Variants in KCNG4 observed in about 807,000 individuals in gnomAD.
KCNG4 encodes potassium voltage-gated channel modifier subfamily G member 4.
A neutral mutation model predicts 28.2 loss-of-function variants in KCNG4; 30 were observed. The observed-to-expected ratio is 1.06, with a 90% CI of 0.80 to 1.44. The LOEUF (loss-of-function observed/expected upper bound fraction) is 1.44. Ranked by LOEUF, KCNG4 falls within the 40% of genes most tolerant of loss-of-function variation. The pLI, the probability that KCNG4 is intolerant of heterozygous loss-of-function variation, is 0.00. For missense variants in KCNG4, 879 were observed against 712.3 expected, an observed-to-expected ratio of 1.23 and a Z score of -2.66; for synonymous variants, 375 against 315.5, an observed-to-expected ratio of 1.19 and a Z score of -2.00.
intron 1 of KCNG4, among the ~76,000 whole-genome samples, chr16:84,238,976 A>G (rs972568347): frequency 6.6e-6 from 1 of 152,222 alleles, no homozygotes; most frequent in Non-Finnish European, 1.5e-5. Flanking sequence ...GCCACTTCAC[A>G]TATTTAAAAA....
In KCNG4 at chr16:84,222,606, C is replaced by G. The variant is rs762800555; in HGVS notation, c.1171G>C (p.Val391Leu). The G allele has an allele frequency of 5.0e-6, 8 of 1,613,202 alleles. No homozygotes were observed. In the South Asian group the frequency reaches 5.5e-5, roughly 11 times the overall value. ...AITLFSPLVYVAEKESGRVLE... is the reference protein window; with the variant it reads ...AITLFSPLVYLAEKESGRVLE... ...ACCCGCCCGGACTCCTTCTCGGCCA[C>G]GTAGACCAAAGGGGAGAAGAGGGTG... The change falls in exon 3 of 3, where the codon GTG (valine) becomes CTG (leucine). Residue 391 changes from valine to leucine, a missense_variant. Coordinates refer to ENST00000308251, the MANE Select transcript of KCNG4 (RefSeq NM_172347.3).
In KCNG4 at chr16:84,229,691, C is replaced by T. The variant is rs532719710; in HGVS notation, c.757-6671G>A. 4.6e-5 allele frequency among the ~76,000 whole-genome samples: 7 copies of T among 152,128 alleles called. No homozygotes were observed. In the East Asian group the frequency reaches 5.8e-4, roughly 13 times the overall value. ...TGGTGGCGTCTGCATGGGGCATTTG[C>T]GGGGGGCTGGAGTTGGACCTGCAGA... On this transcript the variant is annotated intron_variant, in intron 2 of 2. Transcript: ENST00000308251.
intron 1 of KCNG4, among the ~76,000 whole-genome samples, chr16:84,238,060 T>A (rs137918866): frequency 1.2e-3 from 185 of 152,278 alleles, no homozygotes; most frequent in African/African-American, 4.3e-3. Flanking sequence ...TCTGTATGAC[T>A]GGGGCAGTCT....
intron 2 of KCNG4, among the ~76,000 whole-genome samples, chr16:84,235,033 T>C (rs1012909161): frequency 6.6e-6 from 1 of 152,050 alleles, no homozygotes; most frequent in African/African-American, 2.4e-5. Flanking sequence ...GGCATAAATC[T>C]CTCTTGTCCC....
At chr16:84,232,618 G>A (rs1484026378) in intron 2 of KCNG4, among the ~76,000 whole-genome samples, 3 of 152,132 alleles carry the variant, frequency 2.0e-5, no homozygotes, top group Admixed American at 1.3e-4. Flanking sequence ...GAAGCAGGGG[G>A]CTGGGGTGCA....
chr16:84,222,951 C>T lies in KCNG4; in HGVS notation c.826G>A (p.Glu276Lys), dbSNP rs779545766. 8.9e-6 allele frequency: 14 copies of T among 1,577,246 alleles called. No individual in the cohort carries two copies. The highest frequency in any genetic ancestry group is 1.1e-5 in the Non-Finnish European group (13 of 1,160,406). Residue 276 changes from glutamate (E) to lysine (K), a missense_variant, in exon 3 of 3, where the codon GAG becomes AAG. By Grantham distance (56) the Glu-to-Lys change is moderately conservative (BLOSUM62 1). Transcript: ENST00000308251. Reference sequence around the variant, plus strand: ...GCCTGGACAAACCGCAGGCAGAACTCCAGGGAGAACCAGGCCACGCAGATG... The same window carrying T: ...GCCTGGACAAACCGCAGGCAGAACTTCAGGGAGAACCAGGCCACGCAGATG... The part of the protein sequence containing the change: ...ETICVAWFSL[E>K]FCLRFVQAQD...
At chr16:84,237,968 C>T (rs1905015818) in intron 1 of KCNG4, among the ~76,000 whole-genome samples, 1 of 152,154 alleles carries the variant, frequency 6.6e-6, no homozygotes, top group African/African-American at 2.4e-5. Context: ...AATGTAGGCT[C>T]TCAGGTTCAC....
chr16:84,238,599 G>A (rs776047673), intron 1 of KCNG4, among the ~76,000 whole-genome samples: 3 of 152,188 alleles, frequency 2.0e-5, no homozygotes, highest in South Asian at 2.1e-4. Flanking sequence ...GCCTCCAGCC[G>A]CAGTGGTTCA....
At position 84,236,890 on chromosome 16, in the gene KCNG4, C is replaced by T. The variant is rs772060710; in HGVS notation, c.596G>A (p.Arg199His). The T allele has an allele frequency of 2.2e-5, 35 of 1,613,358 alleles. No homozygotes were observed. The highest frequency in any genetic ancestry group is 6.7e-5 in the African/African-American group (5 of 74,930). ...CAGCCGGTTCATGCACAGGCCCCAG[C>T]GCGAGGAGTGCGAGGCGGGGCGGCG... ...ETRRPASHSSRWGLCMNRLRE... is the reference protein window; with the variant it reads ...ETRRPASHSSHWGLCMNRLRE... Residue 199 changes from arginine (R) to histidine (H), a missense_variant, in exon 2 of 3, where the codon CGC becomes CAC. Transcript: ENST00000308251.
chr16:84,222,409 G>T lies in KCNG4; in HGVS notation c.1368C>A (p.Thr456=). The part of the protein sequence containing the change: ...MAFPATSIFH[T]FSHSYLELKK... ...TGAGCTCCAGGTAGGAGTGGGAGAA[G>T]GTGTGGAAGATAGACGTGGCCGGGA... is the stretch of plus-strand genomic sequence containing the variant. Residue 456 remains threonine, a synonymous_variant, in exon 3 of 3, where the codon ACC becomes ACA. Coordinates refer to ENST00000308251, the MANE Select transcript of KCNG4 (RefSeq NM_172347.3). 1 of 1,614,198 alleles carries T rather than the reference G, an allele frequency of 6.2e-7. No homozygotes were observed. Among genetic ancestry groups the T allele is most frequent in the African/African-American group, 1.3e-5 (1 of 75,062 alleles).
rs1055932769 is a variant in KCNG4, at chr16:84,226,016, T to C, written c.757-2996A>G. ...AAAGAAGGAAAGAAAAAAGTTTTCC[T>C]TTCTCCCTTTGTGGAAGTTCTGTGC... On this transcript the variant is annotated intron_variant, in intron 2 of 2. Coordinates refer to ENST00000308251, the MANE Select transcript of KCNG4 (RefSeq NM_172347.3). This position sits in a 1 kb window ranked among gnomAD's most constrained non-coding sequence, Gnocchi z 4.1. Among the ~76,000 whole-genome samples the C allele has an allele frequency of 1.3e-4, 20 of 152,230 alleles. No individual in the cohort carries two copies. Among genetic ancestry groups the C allele is most frequent in the Non-Finnish European group, 2.5e-4 (17 of 68,032 alleles).
intron 2 of KCNG4, among the ~76,000 whole-genome samples, chr16:84,229,127 C>G (rs1904765478): frequency 6.6e-6 from 1 of 152,098 alleles, no homozygotes; most frequent in African/African-American, 2.4e-5. Context: ...TGTGGAAACC[C>G]TGTCTCTACT....
Position 84,239,932 on chromosome 16 carries a change from T to C in KCNG4, c.-303A>G, listed in dbSNP as rs1597623912. ...GATTGAGGTGGGATTTTTTTTTTTT[T>C]TTAAAGGACCCAGAAGTCCCTTTCC... On this transcript the variant is annotated 5_prime_UTR_variant, in exon 1 of 3. Coordinates refer to ENST00000308251, the MANE Select transcript of KCNG4 (RefSeq NM_172347.3). Among the ~76,000 whole-genome samples, 3 of 117,206 alleles carry C rather than the reference T, an allele frequency of 2.6e-5. No individual in the cohort carries two copies. The Admixed American group carries it at 2.6e-4, about 10-fold the overall frequency. 76.9% of individuals were successfully genotyped at this position (117,206 alleles called of 152,430 possible).
chr16:84,229,057 G>T lies in KCNG4; in HGVS notation c.757-6037C>A, dbSNP rs185799797. Among the ~76,000 whole-genome samples, 6 of 152,060 alleles carry T rather than the reference G, an allele frequency of 3.9e-5. No homozygotes were observed. The East Asian group carries it at 1.2e-3, about 30-fold the overall frequency. The stretch of plus-strand genomic sequence containing the variant: ...CTCACGCCTGTAATCCCAGCACTTC[G>T]GGAGGCTGAAGTGGGCAGATCACTT... On this transcript the variant is annotated intron_variant, in intron 2 of 2. Coordinates refer to ENST00000308251, the MANE Select transcript of KCNG4 (RefSeq NM_172347.3).
In KCNG4 at chr16:84,220,571, A is replaced by G. The variant is rs971782650; in HGVS notation, c.*1646T>C. 1 of 152,140 alleles carries G rather than the reference A, an allele frequency of 6.6e-6. No individual in the cohort carries two copies. Among genetic ancestry groups the G allele is most frequent in the East Asian group, 1.9e-4 (1 of 5,200 alleles). The allele number at this position is 152,140 out of a possible 1,614,324, so 9.4% of individuals were successfully genotyped here. A position where few individuals can be genotyped will look rare whatever the true frequency, so the allele number is the denominator to read the frequency against. ...TGTTACCAGTGGTAAAATGCTGACC[A>G]CTCTCATACGTACACGATATCAGAT... On this transcript the variant is annotated 3_prime_UTR_variant, in exon 3 of 3. Transcript: ENST00000308251.
Position 84,236,888 on chromosome 16 carries a change from A to G in KCNG4, c.598T>C (p.Trp200Arg). 1 of 1,613,512 alleles carries G rather than the reference A, an allele frequency of 6.2e-7. No homozygotes were observed. Among genetic ancestry groups the G allele is most frequent in the East Asian group, 2.2e-5 (1 of 44,860 alleles). Residue 200 changes from tryptophan (W) to arginine (R), a missense_variant, in exon 2 of 3, where the codon TGG becomes CGG. Coordinates refer to ENST00000308251, the MANE Select transcript of KCNG4 (RefSeq NM_172347.3). ...TRRPASHSSR[W>R]GLCMNRLREM... Reference sequence around the variant, plus strand: ...CGCAGCCGGTTCATGCACAGGCCCCAGCGCGAGGAGTGCGAGGCGGGGCGG... The same window carrying G: ...CGCAGCCGGTTCATGCACAGGCCCCGGCGCGAGGAGTGCGAGGCGGGGCGG...
intron 2 of KCNG4, among the ~76,000 whole-genome samples, chr16:84,224,698 G>A (rs142124249): frequency 2.5e-3 from 388 of 152,338 alleles, no homozygotes; most frequent in Middle Eastern, 0.01. Flanking sequence ...ACTTCTGTGT[G>A]GACTATTGCA....
intron 2 of KCNG4, among the ~76,000 whole-genome samples, chr16:84,231,351 T>G (rs1181903120): frequency 6.6e-6 from 1 of 152,182 alleles, no homozygotes; most frequent in East Asian, 1.9e-4. Flanking sequence ...TGATACTATC[T>G]GCAGTGGTTG....
intron 1 of KCNG4, 107 bp downstream of exon 1, chr16:84,239,563 T>G (rs1298648368): frequency 6.6e-6 from 1 of 152,200 alleles, no homozygotes; most frequent in Non-Finnish European, 1.5e-5. Flanking sequence ...GGAAAGGAAT[T>G]CACTCAAACC....
Sources: allele counts gnomAD v4.1 joint callset (sites outside exome capture counted in the v4.1 genomes callset), GRCh38; gene constraint gnomAD v4.1.1; non-coding constraint Gnocchi (gnomAD v3.1); transcripts MANE v1.5; gene names NCBI Gene and HGNC (gene_info 2026-07-23, HGNC 2026-07-21).